ERCC4: variants seen among roughly 807,000 people sequenced by gnomAD.
ERCC4 encodes DNA repair endonuclease XPF.
ERCC4 carries 65 observed loss-of-function variants against 76.9 expected under a neutral mutation model. The observed-to-expected ratio is 0.84, with a 90% CI of 0.69 to 1.04. The LOEUF (loss-of-function observed/expected upper bound fraction) is 1.04, where lower values mean the gene tolerates loss of function less well. Among genes scored for constraint, ERCC4 ranks in the 50% least tolerant of loss-of-function variants. ERCC4 has a pLI of 0.00. For missense variants in ERCC4, 1,214 were observed against 1,128.2 expected (o/e 1.08, Z -1.09); for synonymous variants, 463 against 410.1 (o/e 1.13, Z -1.56).
At position 13,935,495 on chromosome 16, in the gene ERCC4, C is replaced by A. The variant is rs41552412; in HGVS notation, c.1563C>A (p.Ser521Arg). 8 of 1,614,058 alleles carry A rather than the reference C, an allele frequency of 5.0e-6. No individual in the cohort carries two copies. The highest frequency in any genetic ancestry group is 6.8e-6 in the Non-Finnish European group (8 of 1,179,984). ...EEGYRREISS[S>R]PESCPEEIKH... ...GATATCGTCGAGAAATAAGCAGTAG[C>A]CCAGAAAGCTGCCCGGAAGAAATTA... The change falls in exon 8 of 11, where the codon AGC (serine) becomes AGA (arginine). Residue 521 changes from serine (S) to arginine (R), a missense_variant. Physicochemically the swap from Ser to Arg is moderately radical, Grantham distance 110. Coordinates refer to ENST00000311895, the MANE Select transcript of ERCC4 (RefSeq NM_005236.3).
intron 6 of ERCC4, chr16:13,932,756 A>T: frequency 5.1e-6 from 1 of 194,536 alleles, no homozygotes; most frequent in South Asian, 9.0e-5. Context: ...TACAAAAAAA[A>T]TTTTAAGGCT....
intron 9 of ERCC4, among the ~76,000 whole-genome samples, chr16:13,943,735 T>C (rs1482920999): frequency 6.6e-6 from 1 of 152,144 alleles, no homozygotes; most frequent in Non-Finnish European, 1.5e-5. Flanking sequence ...CCAGTTGTTT[T>C]TTTTTTTCTT....
At chr16:13,930,587 T>C (rs544959804) in intron 4 of ERCC4, 123 bp from the exon 5 acceptor site, 24 of 738,772 alleles carry the variant, frequency 3.2e-5, no homozygotes, top group Non-Finnish European at 5.0e-5. Flanking sequence ...ATATATGACA[T>C]AAAATTTACC....
intron 7 of ERCC4, 149 bp from the exon 8 acceptor site, chr16:13,934,997 C>A: frequency 1.4e-6 from 1 of 704,234 alleles, no homozygotes; most frequent in South Asian, 1.6e-5. Flanking sequence ...TGATCAATAC[C>A]TAAGACCCTT....
chr16:13,945,537 C>T (rs1405090155), intron 10 of ERCC4, among the ~76,000 whole-genome samples: 2 of 152,224 alleles, frequency 1.3e-5, no homozygotes, highest in Admixed American at 6.5e-5. Context: ...AGGCCAAGTA[C>T]AGTTGAAGCA....
At chr16:13,927,735 G>C (rs1945146231) in intron 3 of ERCC4, 1 of 408,490 alleles carries the variant, frequency 2.4e-6, no homozygotes, top group African/African-American at 2.0e-5. Flanking sequence ...AACAAGTATA[G>C]ACTGCTTACA....
intron 2 of ERCC4, among the ~76,000 whole-genome samples, chr16:13,924,254 C>T (rs967488235): frequency 2.0e-5 from 3 of 152,202 alleles, no homozygotes; most frequent in Admixed American, 6.5e-5. Context: ...ATTACCACCA[C>T]ACCCCACCCT....
intron 9 of ERCC4, among the ~76,000 whole-genome samples, chr16:13,939,567 A>G (rs773522581): frequency 3.3e-5 from 5 of 152,042 alleles, no homozygotes; most frequent in Admixed American, 6.6e-5. Flanking sequence ...ATGTTGAACA[A>G]AGGCGTGCAC....
intron 7 of ERCC4, 54 bp downstream of exon 7, chr16:13,934,356 T>G: frequency 8.7e-7 from 1 of 1,148,532 alleles, no homozygotes; most frequent in Non-Finnish European, 1.3e-6. Flanking sequence ...AAATGAGTCC[T>G]GATTTAATTA....
At chr16:13,921,995 T>A in intron 1 of ERCC4, 36 bp from the exon 2 acceptor site, 1 of 1,509,984 alleles carries the variant, frequency 6.6e-7, no homozygotes, top group Non-Finnish European at 9.2e-7. Flanking sequence ...CTGCCCTGTA[T>A]TAAATAGCCT....
chr16:13,935,762 C>A lies in ERCC4; in HGVS notation c.1811+19C>A, dbSNP rs1472555173. The A allele has an allele frequency of 6.4e-7, 1 of 1,551,340 alleles. No homozygotes were observed. Among genetic ancestry groups the A allele is most frequent in the Non-Finnish European group, 8.9e-7 (1 of 1,122,898 alleles). On this transcript the variant is annotated intron_variant, in intron 8 of 10. Transcript: ENST00000311895. Reference sequence around the variant, plus strand: ...CTCTGAGGCAAGTTATAAAGAATCACAGCTTTCAGTTGCACAGTTCTTTAG... The same window carrying A: ...CTCTGAGGCAAGTTATAAAGAATCAAAGCTTTCAGTTGCACAGTTCTTTAG...
At chr16:13,939,029 CCT>C (rs1337498497) in intron 9 of ERCC4, among the ~76,000 whole-genome samples, 1 of 152,156 alleles carries the variant, frequency 6.6e-6, no homozygotes, top group African/African-American at 2.4e-5. Flanking sequence ...ATTGCTCAGT[CCT>C]CTCAGCCTAT....
chr16:13,945,726 C>T (rs2032500982), intron 10 of ERCC4, among the ~76,000 whole-genome samples: 1 of 152,148 alleles, frequency 6.6e-6, no homozygotes, highest in African/African-American at 2.4e-5. Flanking sequence ...GCCTCAGAGC[C>T]TCTGTGTCTT....
At chr16:13,945,868 G>C (rs935758755) in intron 10 of ERCC4, among the ~76,000 whole-genome samples, 1 of 152,166 alleles carries the variant, frequency 6.6e-6, no homozygotes, top group Non-Finnish European at 1.5e-5. Flanking sequence ...AGTTCTCCAC[G>C]CCTTCATATT....
chr16:13,920,405 T>C, intron 1 of ERCC4, 33 bp downstream of exon 1: 1 of 1,530,562 alleles, frequency 6.5e-7, no homozygotes, highest in Admixed American at 1.9e-5. Context: ...GTGAGGGGAC[T>C]CCGAGAGTGT....
intron 2 of ERCC4, 129 bp downstream of exon 2, chr16:13,922,340 C>G: frequency 1.3e-6 from 1 of 791,496 alleles, no homozygotes; most frequent in East Asian, 2.4e-5. Flanking sequence ...CCCTACATCA[C>G]CTTTGGTAGG....
chr16:13,929,795 C>T (rs3136107), intron 4 of ERCC4, among the ~76,000 whole-genome samples: 4,313 of 152,168 alleles, frequency 0.028, 203 homozygotes, highest in African/African-American at 0.099. Flanking sequence ...GAAACCTCGT[C>T]TCTACTAAAA....
chr16:13,922,230 A>T lies in ERCC4; in HGVS notation c.388+19A>T, dbSNP rs746957529. 1.4e-6 allele frequency: 2 copies of T among 1,480,242 alleles called. No individual in the cohort carries two copies. Among genetic ancestry groups the T allele is most frequent in the South Asian group, 1.2e-5 (1 of 85,378 alleles). 91.7% of individuals were successfully genotyped at this position (1,480,242 alleles called of 1,614,324 possible). On this transcript the variant is annotated intron_variant, in intron 2 of 10. Coordinates refer to ENST00000311895, the MANE Select transcript of ERCC4 (RefSeq NM_005236.3). ...ATTACTGGTAAGAATTTGAAATCTTATTATTAGTATGTAAATTTGTACTTT... is the reference window on the plus strand; with the variant it reads ...ATTACTGGTAAGAATTTGAAATCTTTTTATTAGTATGTAAATTTGTACTTT...
intron 2 of ERCC4, among the ~76,000 whole-genome samples, chr16:13,924,949 C>T (rs2032045623): frequency 6.6e-6 from 1 of 152,112 alleles, no homozygotes; most frequent in Non-Finnish European, 1.5e-5. Flanking sequence ...TCCCAAAAAC[C>T]TAACCTGCTT....
Sources: allele counts gnomAD v4.1 joint callset (sites outside exome capture counted in the v4.1 genomes callset), GRCh38; gene constraint gnomAD v4.1.1; transcripts MANE v1.5; gene names NCBI Gene and HGNC (gene_info 2026-07-23, HGNC 2026-07-21).